The following IQCH variants were observed in gnomAD, a reference collection of about 807,000 sequenced individuals.
IQCH encodes the protein IQ domain-containing protein H.
In IQCH, 98 loss-of-function variants were observed where a neutral mutation model predicts 117.0. The ratio of observed to expected loss-of-function variants is 0.84; its 90% CI spans 0.71 to 0.99. IQCH has a LOEUF of 0.99. IQCH is among the 50% of genes least tolerant of loss of function. The pLI is 0.00. For missense variants in IQCH, 1,102 were observed against 1,243.8 expected (o/e 0.89, Z 1.72); for synonymous variants, 412 against 448.2 (o/e 0.92, Z 1.02).
intron 4 of IQCH, among the ~76,000 whole-genome samples, chr15:67,286,509 C>A (rs548620158): frequency 1.3e-5 from 2 of 152,078 alleles, no homozygotes; most frequent in Non-Finnish European, 2.9e-5. Context: ...TGTCATGTTC[C>A]CAAACTTAGG....
intron 20 of IQCH, among the ~76,000 whole-genome samples, chr15:67,495,393 A>G (rs2083777763): frequency 6.6e-6 from 1 of 152,202 alleles, no homozygotes; most frequent in Non-Finnish European, 1.5e-5. Context: ...AAGAGACAGG[A>G]TATCTCACTG....
chr15:67,263,324 T>A, intron 3 of IQCH, 108 bp downstream of exon 3: 1 of 635,688 alleles, frequency 1.6e-6, no homozygotes, highest in South Asian at 1.9e-5. Context: ...TTGGCTTTCT[T>A]AACATCCTTT....
intron 16 of IQCH, among the ~76,000 whole-genome samples, chr15:67,462,018 T>TG (rs566780535): frequency 7.2e-4 from 110 of 152,160 alleles, no homozygotes; most frequent in Middle Eastern, 6.8e-3. Context: ...TAAATAGAGT[T>TG]GGGGTCTCGT....
chr15:67,458,303 G>T lies in IQCH; in HGVS notation c.2506-6824G>T, dbSNP rs548343251. Among the ~76,000 whole-genome samples, 10 of 152,314 alleles carry T rather than the reference G, an allele frequency of 6.6e-5. No individual in the cohort carries two copies. Among genetic ancestry groups the T allele is most frequent in the African/African-American group, 2.4e-4 (10 of 41,556 alleles). Reference sequence around the variant, plus strand: ...CCATTTTCTTCAGGGTGGAAGTTTTGGAGACACCTTTGGCTCCTTTTTCTC... The same window carrying T: ...CCATTTTCTTCAGGGTGGAAGTTTTTGAGACACCTTTGGCTCCTTTTTCTC... On this transcript the variant is annotated intron_variant, in intron 16 of 20. Coordinates refer to ENST00000335894, the MANE Select transcript of IQCH (RefSeq NM_001031715.3). This position sits in a 1 kb window ranked among gnomAD's most constrained non-coding sequence, Gnocchi z 4.1.
rs10663973 is a variant in IQCH, at chr15:67,301,401, G to GTTTTTT, written c.387+21910_387+21915dup. Among the ~76,000 whole-genome samples the GTTTTTT allele has an allele frequency of 5.3e-5, 4 of 75,338 alleles. 1 individual carries two copies. The highest frequency in any genetic ancestry group is 4.8e-4 in the East Asian group (1 of 2,068). 49.4% of individuals were successfully genotyped at this position (75,338 alleles called of 152,430 possible). A position where few individuals can be genotyped will look rare whatever the true frequency, so the allele number is the denominator to read the frequency against. On this transcript the variant is annotated intron_variant, in intron 4 of 20. Transcript: ENST00000335894. ...TTCAGTGAAACATTTGTTATGTTAA[G>GTTTTTT]TTTTTTTTTTTTTTTTTTTTTTTTT... is the stretch of plus-strand genomic sequence containing the variant.
intron 5 of IQCH, 126 bp from the exon 6 acceptor site, chr15:67,343,937 G>T: frequency 1.4e-6 from 1 of 700,024 alleles, no homozygotes. Flanking sequence ...AAAGGATTAA[G>T]GCACTAGATG....
chr15:67,292,063 A>G (rs1186129236), intron 4 of IQCH, among the ~76,000 whole-genome samples: 2 of 152,092 alleles, frequency 1.3e-5, no homozygotes, highest in Admixed American at 6.6e-5. Context: ...GAGGGGGATT[A>G]GTGCTCTTAT....
chr15:67,300,867 C>G (rs558247062), intron 4 of IQCH, among the ~76,000 whole-genome samples: 2 of 152,092 alleles, frequency 1.3e-5, no homozygotes, highest in African/African-American at 2.4e-5. Flanking sequence ...TCTTATATAG[C>G]TTTGTGGGCA....
At chr15:67,290,436 C>A (rs1467465750) in intron 4 of IQCH, among the ~76,000 whole-genome samples, 1 of 152,030 alleles carries the variant, frequency 6.6e-6, no homozygotes, top group African/African-American at 2.4e-5. Flanking sequence ...TTCTAGGACA[C>A]AAAATTCAAT....
In IQCH at chr15:67,356,559, T is replaced by C. The variant is rs892082087; in HGVS notation, c.638-786T>C. Among the ~76,000 whole-genome samples, 2 of 152,224 alleles carry C rather than the reference T, an allele frequency of 1.3e-5. No homozygotes were observed. Among genetic ancestry groups the C allele is most frequent in the South Asian group, 2.1e-4 (1 of 4,830 alleles). ...TCAATTCCTTCTAAGATTGTTGTTATAGAAAACTAACAGAAAAGGGGGTTG... is the reference window on the plus strand; with the variant it reads ...TCAATTCCTTCTAAGATTGTTGTTACAGAAAACTAACAGAAAAGGGGGTTG... On this transcript the variant is annotated intron_variant, in intron 6 of 20. Coordinates refer to ENST00000335894, the MANE Select transcript of IQCH (RefSeq NM_001031715.3). The surrounding 1 kb of genome is among the most constrained non-coding windows in gnomAD (Gnocchi z 5.3).
rs1207198440 is a variant in IQCH at position 67,474,130 on chromosome 15, G to A, written c.2677-1566G>A. On this transcript the variant is annotated intron_variant, in intron 17 of 20. Coordinates refer to ENST00000335894, the MANE Select transcript of IQCH (RefSeq NM_001031715.3). This position sits in a 1 kb window ranked among gnomAD's most constrained non-coding sequence, Gnocchi z 4.1. Reference sequence around the variant, plus strand: ...GAGAGGGAGAGAGGGATGCAGGAGAGGAAAGGAGGTCTATTCTCTGCAGAG... The same window carrying A: ...GAGAGGGAGAGAGGGATGCAGGAGAAGAAAGGAGGTCTATTCTCTGCAGAG... Among the ~76,000 whole-genome samples, 1 of 151,474 alleles carries A rather than the reference G, an allele frequency of 6.6e-6. No individual in the cohort carries two copies. The highest frequency in any genetic ancestry group is 6.6e-5 in the Admixed American group (1 of 15,174).
intron 16 of IQCH, among the ~76,000 whole-genome samples, chr15:67,462,321 C>A (rs1004466582): frequency 4.0e-5 from 6 of 151,642 alleles, no homozygotes; most frequent in Admixed American, 3.3e-4. Flanking sequence ...CCCAGCTACT[C>A]CGGAGGCTGA....
At chr15:67,347,840 G>T (rs1969471391) in intron 6 of IQCH, among the ~76,000 whole-genome samples, 1 of 110,244 alleles carries the variant, frequency 9.1e-6, no homozygotes, top group South Asian at 2.5e-4. Context: ...TAGATATATA[G>T]ATATTTTTAT....
Position 67,408,606 on chromosome 15 carries a change from C to A in IQCH, c.2097+8301C>A, listed in dbSNP as rs1457150388. The A allele has an allele frequency of 1.3e-5, 2 of 152,184 alleles. No individual in the cohort carries two copies. Among genetic ancestry groups the A allele is most frequent in the African/African-American group, 4.8e-5 (2 of 41,448 alleles). 9.4% of individuals were successfully genotyped at this position (152,184 alleles called of 1,614,324 possible). ...AACTAAAGTCACTGCTTGCCCATTC[C>A]TTTTGCATAAAATTAAAATATAAAT... is the stretch of plus-strand genomic sequence containing the variant. On this transcript the variant is annotated intron_variant, in intron 14 of 20. Coordinates refer to ENST00000335894, the MANE Select transcript of IQCH (RefSeq NM_001031715.3). The surrounding 1 kb of genome is among the most constrained non-coding windows in gnomAD (Gnocchi z 4.2).
In IQCH at chr15:67,369,552, G is replaced by A. The variant is rs1970452264; in HGVS notation, c.754-2559G>A. 6.7e-6 allele frequency among the ~76,000 whole-genome samples: 1 copy of A among 150,258 alleles called. No homozygotes were observed. The highest frequency in any genetic ancestry group is 2.5e-5 in the African/African-American group (1 of 40,722). ...AAGAAGGGAAGGAGGGAGGGAGGAAGGAAGAAAAGGAAGGAGGGAGGAAAG... is the reference window on the plus strand; with the variant it reads ...AAGAAGGGAAGGAGGGAGGGAGGAAAGAAGAAAAGGAAGGAGGGAGGAAAG... On this transcript the variant is annotated intron_variant, in intron 8 of 20. Coordinates refer to ENST00000335894, the MANE Select transcript of IQCH (RefSeq NM_001031715.3). The surrounding 1 kb of genome is among the most constrained non-coding windows in gnomAD (Gnocchi z 5.2).
chr15:67,497,159 G>C lies in IQCH; in HGVS notation c.2970+2793G>C, dbSNP rs2083840407. ...GAAACCAGCCTAGGCAACATAGGCAGACCCTATCTAAAAATTAAAAAATTA... is the reference window on the plus strand; with the variant it reads ...GAAACCAGCCTAGGCAACATAGGCACACCCTATCTAAAAATTAAAAAATTA... On this transcript the variant is annotated intron_variant, in intron 20 of 20. Coordinates refer to ENST00000335894, the MANE Select transcript of IQCH (RefSeq NM_001031715.3). 2.0e-5 allele frequency among the ~76,000 whole-genome samples: 3 copies of C among 151,448 alleles called. No individual in the cohort carries two copies. In the South Asian group the frequency reaches 6.3e-4, roughly 32 times the overall value.
At chr15:67,379,108 G>A (rs966768482) in intron 10 of IQCH, among the ~76,000 whole-genome samples, 1 of 152,174 alleles carries the variant, frequency 6.6e-6, no homozygotes, top group African/African-American at 2.4e-5. Flanking sequence ...GGGTAGGATT[G>A]TCTGACAGGT....
chr15:67,421,118 A>G (rs2081727367), intron 15 of IQCH, 173 bp from the exon 16 acceptor site: 1 of 613,202 alleles, frequency 1.6e-6, no homozygotes, highest in African/African-American at 1.8e-5. Flanking sequence ...CAAGATGCAC[A>G]ACAATCTAAT....
intron 4 of IQCH, among the ~76,000 whole-genome samples, chr15:67,302,580 C>T (rs912129716): frequency 6.6e-6 from 1 of 152,114 alleles, no homozygotes; most frequent in Non-Finnish European, 1.5e-5. Context: ...TGCTATTGGT[C>T]GACTACAGTG....
Sources: gnomAD v4.1 joint callset for allele counts (sites outside exome capture counted in the v4.1 genomes callset) on GRCh38, gnomAD v4.1.1 for gene constraint, Gnocchi (gnomAD v3.1) non-coding constraint, MANE v1.5 for transcripts, NCBI Gene and HGNC (gene_info 2026-07-23, HGNC 2026-07-21) for gene names.